MYH15: variants seen among roughly 807,000 people sequenced by gnomAD.
MYH15 encodes myosin heavy chain 15.
A neutral mutation model predicts 240.5 loss-of-function variants in MYH15; 227 were observed. The observed-to-expected ratio is 0.94, with a 90% confidence interval of 0.85 to 1.05. The LOEUF (loss-of-function observed/expected upper bound fraction) is 1.05. Among genes scored for constraint, MYH15 ranks in the 50% least tolerant of loss-of-function variants. The pLI is 0.00. For missense variants in MYH15, 2,217 were observed against 2,247.5 expected, an observed-to-expected ratio of 0.99 and a Z score of 0.27; for synonymous variants, 785 against 796.7, an observed-to-expected ratio of 0.99 and a Z score of 0.25.
chr3:108,527,344 C>A (rs1438772986), intron 1 of MYH15, among the ~76,000 whole-genome samples: 2 of 152,194 alleles, frequency 1.3e-5, no homozygotes, highest in Admixed American at 1.3e-4. Flanking sequence ...TCTGGTGACC[C>A]AGACAGACAC....
intron 1 of MYH15, among the ~76,000 whole-genome samples, chr3:108,518,545 A>G (rs1362377752): frequency 6.6e-6 from 1 of 152,226 alleles, no homozygotes; most frequent in Non-Finnish European, 1.5e-5. Context: ...ATAAAAGCCC[A>G]ACATGTTAAC....
the MYH15 span, among the ~76,000 whole-genome samples, chr3:108,534,579 C>A: frequency 6.6e-6 from 1 of 151,848 alleles, no homozygotes; most frequent in African/African-American, 2.4e-5. Flanking sequence ...TACAAGAAAT[C>A]ATTAGGTCAG....
chr3:108,421,060 CTA>C (rs754290902), intron 28 of MYH15, 26 bp downstream of exon 28: 1 of 1,613,262 alleles, frequency 6.2e-7, no homozygotes, highest in East Asian at 2.2e-5. Context: ...TGAGAATTGC[CTA>C]TGAGTCAAGC....
chr3:108,469,831 C>A (rs1019634636), intron 14 of MYH15, among the ~76,000 whole-genome samples: 1 of 152,198 alleles, frequency 6.6e-6, no homozygotes, highest in Non-Finnish European at 1.5e-5. Flanking sequence ...TGAAAGCCTG[C>A]ATTAGAGATG....
At chr3:108,424,325 T>A (rs534111857) in intron 27 of MYH15, among the ~76,000 whole-genome samples, 1 of 152,340 alleles carries the variant, frequency 6.6e-6, no homozygotes, top group South Asian at 2.1e-4. Flanking sequence ...ACTGGTATAG[T>A]GTTTCCATGT....
At chr3:108,504,031 G>A (rs551647857) in intron 2 of MYH15, among the ~76,000 whole-genome samples, 22 of 152,206 alleles carry the variant, frequency 1.4e-4, no homozygotes, top group Non-Finnish European at 2.9e-4. Context: ...TATGCTTAGT[G>A]AAAGAAGCCA....
chr3:108,428,168 A>G (rs1485006157), intron 27 of MYH15, among the ~76,000 whole-genome samples: 2 of 152,218 alleles, frequency 1.3e-5, no homozygotes, highest in East Asian at 3.8e-4. Flanking sequence ...AACAAAAGTC[A>G]TTCTTCAAGA....
chr3:108,417,848 CAT>C (rs1376969365), intron 28 of MYH15, among the ~76,000 whole-genome samples: 1 of 151,932 alleles, frequency 6.6e-6, no homozygotes, highest in South Asian at 2.1e-4. Context: ...TAAACACACA[CAT>C]ATATACACAC....
At chr3:108,536,564 T>G in the MYH15 span, among the ~76,000 whole-genome samples, 3 of 152,192 alleles carry the variant, frequency 2.0e-5, no homozygotes, top group African/African-American at 7.2e-5. Context: ...CTAACATTGA[T>G]AATGGGTCAA....
At chr3:108,484,430 T>C (rs1176861223) in intron 11 of MYH15, among the ~76,000 whole-genome samples, 1 of 152,216 alleles carries the variant, frequency 6.6e-6, no homozygotes, top group African/African-American at 2.4e-5. Context: ...ATCTCCATTA[T>C]GTCACTTAAT....
chr3:108,525,856 A>G (rs1445700221), intron 1 of MYH15, among the ~76,000 whole-genome samples: 1 of 152,144 alleles, frequency 6.6e-6, no homozygotes, highest in Non-Finnish European at 1.5e-5. Flanking sequence ...AATAATGCAG[A>G]CTATTTGAGC....
At chr3:108,440,210 T>A (rs1278687674) in intron 23 of MYH15, among the ~76,000 whole-genome samples, 1 of 152,200 alleles carries the variant, frequency 6.6e-6, no homozygotes, top group Non-Finnish European at 1.5e-5. Flanking sequence ...CTAAATTGGA[T>A]GGCCAATTTA....
intron 12 of MYH15, among the ~76,000 whole-genome samples, chr3:108,473,115 CT>C (rs376272558): frequency 1.8e-4 from 27 of 152,200 alleles, no homozygotes; most frequent in African/African-American, 6.5e-4. Flanking sequence ...TCAAACGATT[CT>C]CTTGCCTCAG....
At chr3:108,437,787 A>AAAGC in intron 24 of MYH15, 88 bp from the exon 25 acceptor site, 1 of 1,213,876 alleles carries the variant, frequency 8.2e-7, no homozygotes, top group African/African-American at 3.7e-5. Context: ...CCTTCTGGAA[A>AAAGC]AAGAAAGACA....
intron 2 of MYH15, among the ~76,000 whole-genome samples, chr3:108,505,255 T>C (rs1018641498): frequency 3.3e-5 from 5 of 152,094 alleles, no homozygotes; most frequent in Non-Finnish European, 7.4e-5. Flanking sequence ...TCTTTGATGG[T>C]AAGTGGAGTT....
At chr3:108,388,314 G>A (rs1004216651) in intron 38 of MYH15, among the ~76,000 whole-genome samples, 11 of 152,178 alleles carry the variant, frequency 7.2e-5, no homozygotes, top group African/African-American at 2.7e-4. Flanking sequence ...GAAGGAAAAG[G>A]GAAGCAATGG....
Position 108,444,779 on chromosome 3 carries a change from T to C in MYH15, c.2516A>G (p.Glu839Gly), listed in dbSNP as rs1320349738. ...KPLVKSSEVG[E>G]EVAGLKEECA... ...CTCTTCCTTCAGTCCAGCTACTTCTTCTCCTACTTCTGAAGATTTAACAAG... is the reference window on the plus strand; with the variant it reads ...CTCTTCCTTCAGTCCAGCTACTTCTCCTCCTACTTCTGAAGATTTAACAAG... Residue 839 changes from glutamate (E) to glycine (G), a missense_variant, in exon 22 of 41, where the codon GAA becomes GGA. Coordinates refer to ENST00000693548, the MANE Select transcript of MYH15 (RefSeq NM_014981.3). The C allele has an allele frequency of 6.2e-7, 1 of 1,613,912 alleles. No homozygotes were observed.
chr3:108,547,609 T>C, the MYH15 span, among the ~76,000 whole-genome samples: 290 of 152,264 alleles, frequency 1.9e-3, 9 homozygotes, highest in South Asian at 0.031. Context: ...ATGCTTTGCT[T>C]GTAAGAATAT....
chr3:108,383,466 C>A (rs2082358291), intron 40 of MYH15, 129 bp downstream of exon 40: 4 of 973,964 alleles, frequency 4.1e-6, no homozygotes, highest in Non-Finnish European at 5.9e-6. Context: ...TTATTGGAAC[C>A]CTTTGTTCTT....
Sources: allele counts gnomAD v4.1 joint callset (sites outside exome capture counted in the v4.1 genomes callset), GRCh38; gene constraint gnomAD v4.1.1; transcripts MANE v1.5; gene names NCBI Gene and HGNC (gene_info 2026-07-23, HGNC 2026-07-21).